Variants in ANO4 observed in about 807,000 individuals in gnomAD.
ANO4 encodes anoctamin-4.
ANO4 carries 69 observed loss-of-function variants against 141.9 expected under a neutral mutation model. The ratio of observed to expected loss-of-function variants is 0.49; its 90% CI spans 0.40 to 0.59. The LOEUF (loss-of-function observed/expected upper bound fraction) is 0.59, where lower values mean the gene tolerates loss of function less well. ANO4 is among the 20% of genes least tolerant of loss of function. The pLI is 0.00. For missense variants in ANO4, 894 were observed against 1,162.2 expected (o/e 0.77, Z 3.36); for synonymous variants, 350 against 394.3 (o/e 0.89, Z 1.33).
chr12:100,832,020 A>T (rs1430492578), intron 1 of ANO4, among the ~76,000 whole-genome samples: 1 of 152,092 alleles, frequency 6.6e-6, no homozygotes, highest in African/African-American at 2.4e-5. Flanking sequence ...TTGTAAGTTA[A>T]CAATCCTTAA....
intron 3 of ANO4, among the ~76,000 whole-genome samples, chr12:100,747,276 C>A (rs554653261): frequency 5.3e-5 from 8 of 152,102 alleles, no homozygotes; most frequent in African/African-American, 1.9e-4. Context: ...TAGCAAGGGC[C>A]TTTTGCCAAC....
At chr12:100,978,158 G>A (rs2044289371) in intron 7 of ANO4, among the ~76,000 whole-genome samples, 1 of 152,208 alleles carries the variant, frequency 6.6e-6, no homozygotes, top group Admixed American at 6.5e-5. Context: ...TTGAAGGCAA[G>A]GATGACTCAT....
chr12:100,970,950 C>T (rs1194181559), intron 5 of ANO4, among the ~76,000 whole-genome samples: 1 of 152,168 alleles, frequency 6.6e-6, no homozygotes. Context: ...AACTCCTGAC[C>T]TCAGGTGATC....
chr12:100,852,751 A>G (rs1312305692), intron 1 of ANO4, among the ~76,000 whole-genome samples: 1 of 152,196 alleles, frequency 6.6e-6, no homozygotes, highest in African/African-American at 2.4e-5. Context: ...AGAAAAATGG[A>G]TATAGATGAG....
chr12:100,884,373 T>C (rs921073982), intron 1 of ANO4, among the ~76,000 whole-genome samples: 2 of 152,174 alleles, frequency 1.3e-5, no homozygotes, highest in Admixed American at 1.3e-4. Context: ...GTCTCCCTCC[T>C]CCACAGGGCC....
At chr12:101,009,343 G>A (rs1450369802) in intron 8 of ANO4, among the ~76,000 whole-genome samples, 1 of 152,072 alleles carries the variant, frequency 6.6e-6, no homozygotes, top group African/African-American at 2.4e-5. Flanking sequence ...CTTGATCTTG[G>A]ACTTTCAGCC....
chr12:100,844,777 C>G (rs1180243737), intron 1 of ANO4, among the ~76,000 whole-genome samples: 3 of 23,012 alleles, frequency 1.3e-4, no homozygotes, highest in African/African-American at 3.6e-4. Flanking sequence ...ATAAAATAGT[C>G]AGCCGGAGGG....
chr12:101,097,578 TA>T, intron 19 of ANO4, 72 bp from the exon 20 acceptor site: 2 of 1,429,060 alleles, frequency 1.4e-6, no homozygotes, highest in South Asian at 1.2e-5. Flanking sequence ...GAGAATGTGC[TA>T]AACTAAATGT....
intron 3 of ANO4, among the ~76,000 whole-genome samples, chr12:100,761,354 T>A (rs1000235849): frequency 9.2e-5 from 14 of 152,116 alleles, no homozygotes; most frequent in Non-Finnish European, 4.4e-5. Context: ...CTCACAAGGC[T>A]CAGCACATAC....
At chr12:100,905,252 A>G (rs965143220) in intron 2 of ANO4, among the ~76,000 whole-genome samples, 1 of 152,192 alleles carries the variant, frequency 6.6e-6, no homozygotes. Context: ...GTGCTATTTA[A>G]AGAAATGAGA....
intron 15 of ANO4, among the ~76,000 whole-genome samples, chr12:101,080,882 A>ATATT (rs1566219496): frequency 1.1e-5 from 1 of 91,278 alleles, no homozygotes; most frequent in South Asian, 3.2e-4. Flanking sequence ...ATATATATAT[A>ATATT]TTATATATAT....
intron 1 of ANO4, among the ~76,000 whole-genome samples, chr12:100,884,858 C>A (rs2135968136): frequency 6.6e-6 from 1 of 152,312 alleles, no homozygotes; most frequent in African/African-American, 2.4e-5. Flanking sequence ...CCATGCCCAG[C>A]TATTTTTAGT....
intron 22 of ANO4, among the ~76,000 whole-genome samples, chr12:101,102,145 G>A (rs1405630138): frequency 6.6e-6 from 1 of 152,032 alleles, no homozygotes; most frequent in African/African-American, 2.4e-5. Flanking sequence ...CACTTGTGTT[G>A]TTTCCAAATT....
chr12:100,950,574 G>A lies in ANO4; in HGVS notation c.456+8039G>A, dbSNP rs558509093. On this transcript the variant is annotated intron_variant, in intron 5 of 27. Coordinates refer to ENST00000392977, the MANE Select transcript of ANO4 (RefSeq NM_001286615.2). ...TTGTTGATGGGTGGGGCAATCTCAGGAGAAAGGGGCATGAGAGGAGCAGAA... is the reference window on the plus strand; with the variant it reads ...TTGTTGATGGGTGGGGCAATCTCAGAAGAAAGGGGCATGAGAGGAGCAGAA... 6.6e-4 allele frequency among the ~76,000 whole-genome samples: 101 copies of A among 152,264 alleles called. 1 individual carries two copies. The highest frequency in any genetic ancestry group is 1.8e-4 in the Non-Finnish European group (12 of 68,018).
At position 100,901,832 on chromosome 12, in the gene ANO4, T is replaced by C; in HGVS notation, c.47T>C (p.Phe16Ser). ...ATCACTAATGGAAAAACCAAAGTCT[T>C]CCACCCAGGTGATGCATGGGGAAGT... ...SGITNGKTKV[F>S]HPEGGVDLQG... The change falls in exon 2 of 28, where the codon TTC (phenylalanine) becomes TCC (serine). Residue 16 changes from phenylalanine (F) to serine (S), a missense_variant. This residue lies in a region of ANO4 where 257 missense variants were observed against 253.0 expected (regional missense o/e 1.02). Transcript: ENST00000392977. 6.2e-7 allele frequency: 1 copy of C among 1,607,240 alleles called. No individual in the cohort carries two copies. Among genetic ancestry groups the C allele is most frequent in the South Asian group, 1.1e-5 (1 of 89,974 alleles).
chr12:100,719,325 A>G (rs1490918482), intron 1 of ANO4, among the ~76,000 whole-genome samples: 1 of 152,248 alleles, frequency 6.6e-6, no homozygotes, highest in Non-Finnish European at 1.5e-5. Flanking sequence ...GACAGAATAA[A>G]TTAGTCCATC....
At chr12:100,911,140 T>C (rs1186473145) in intron 2 of ANO4, among the ~76,000 whole-genome samples, 1 of 152,182 alleles carries the variant, frequency 6.6e-6, no homozygotes, top group East Asian at 1.9e-4. Context: ...CCTCAAAAAC[T>C]GTTCAACTGT....
chr12:101,023,594 G>A (rs1593045018), intron 9 of ANO4, among the ~76,000 whole-genome samples: 1 of 152,320 alleles, frequency 6.6e-6, no homozygotes. Flanking sequence ...TTACTTCTGG[G>A]AGGTCAAGGC....
chr12:100,726,246 C>T (rs1349298287), intron 1 of ANO4, among the ~76,000 whole-genome samples: 1 of 152,126 alleles, frequency 6.6e-6, no homozygotes, highest in African/African-American at 2.4e-5. Flanking sequence ...AAAAAAAAGT[C>T]CTTTCTTTTT....
Sources: gnomAD v4.1 joint callset for allele counts (sites outside exome capture counted in the v4.1 genomes callset) on GRCh38, gnomAD v4.1.1 for gene constraint, gnomAD v4.1.1 regional missense constraint, MANE v1.5 for transcripts, NCBI Gene and HGNC (gene_info 2026-07-23, HGNC 2026-07-21) for gene names.